The following TANC2 variants were observed in gnomAD, a reference collection of about 807,000 sequenced individuals.
TANC2 encodes the protein protein TANC2.
Under a neutral mutation model 210.5 loss-of-function variants are expected in TANC2, and 26 were observed. The observed-to-expected ratio is 0.12, with a 90% CI of 0.09 to 0.17. The LOEUF (loss-of-function observed/expected upper bound fraction) is 0.17, where lower values mean the gene tolerates loss of function less well. TANC2 is among the 10% of genes least tolerant of loss of function. The pLI, the probability that TANC2 is intolerant of heterozygous loss-of-function variation, is 1.00. For missense variants in TANC2, 2,129 were observed against 2,608.9 expected (o/e 0.82, Z 4.01); for synonymous variants, 931 against 967.1 (o/e 0.96, Z 0.69).
intron 1 of TANC2, among the ~76,000 whole-genome samples, chr17:63,002,131 A>G (rs968392360): frequency 7.2e-5 from 11 of 152,148 alleles, no homozygotes; most frequent in African/African-American, 1.2e-4. Flanking sequence ...TGGAGCATAA[A>G]TCATACCACA....
exon 13 of TANC2, chr17:63,351,412 T>C: frequency 1.9e-6 from 3 of 1,591,268 alleles, no homozygotes; most frequent in Non-Finnish European, 2.6e-6. Context: ...AGGACCAGTT[T>C]ACAGGTATGT....
At chr17:63,397,335 A>G (rs1349741494) in intron 18 of TANC2, among the ~76,000 whole-genome samples, 1 of 152,170 alleles carries the variant, frequency 6.6e-6, no homozygotes, top group Non-Finnish European at 1.5e-5. Flanking sequence ...ATAATGAACT[A>G]TATAATACTC....
chr17:63,392,854 T>C (rs1260091162), intron 17 of TANC2, among the ~76,000 whole-genome samples: 1 of 152,126 alleles, frequency 6.6e-6, no homozygotes, highest in African/African-American at 2.4e-5. Flanking sequence ...AAAATAATTC[T>C]CTTGTAGGCA....
At chr17:63,297,741 A>G (rs1421149067) in intron 9 of TANC2, among the ~76,000 whole-genome samples, 1 of 152,148 alleles carries the variant, frequency 6.6e-6, no homozygotes, top group African/African-American at 2.4e-5. Context: ...AATTTTGTGC[A>G]TCAAAGGACA....
intron 2 of TANC2, among the ~76,000 whole-genome samples, chr17:63,012,964 C>G (rs1248432700): frequency 6.6e-6 from 1 of 152,016 alleles, no homozygotes; most frequent in Non-Finnish European, 1.5e-5. Context: ...CAAGAAGACT[C>G]TTTTAGAATT....
intron 19 of TANC2, among the ~76,000 whole-genome samples, chr17:63,400,810 A>AT (rs146655118): frequency 0.011 from 1,572 of 142,184 alleles, 13 homozygotes; most frequent in Non-Finnish European, 0.015. Flanking sequence ...CACCTGACTA[A>AT]TTTTTTTTTT....
chr17:63,001,542 T>C (rs1305624248), intron 1 of TANC2, among the ~76,000 whole-genome samples: 2 of 150,122 alleles, frequency 1.3e-5, no homozygotes, highest in Non-Finnish European at 3.0e-5. Flanking sequence ...TTTTTTTTTT[T>C]CTTTTTCTTT....
chr17:63,339,977 A>G, intron 11 of TANC2, 124 bp from the exon 12 acceptor site: 1 of 710,996 alleles, frequency 1.4e-6, no homozygotes, highest in Non-Finnish European at 2.3e-6. Flanking sequence ...ATGAAGAGAC[A>G]AAAAAGTATT....
At chr17:63,332,071 C>T in intron 11 of TANC2, 1 of 330,478 alleles carries the variant, frequency 3.0e-6, no homozygotes. Flanking sequence ...GTAGAGTCTT[C>T]CTGAATAATT....
At chr17:62,971,392 T>C (rs1413086714) in intron 1 of TANC2, among the ~76,000 whole-genome samples, 2 of 152,228 alleles carry the variant, frequency 1.3e-5, no homozygotes, top group Non-Finnish European at 2.9e-5. Flanking sequence ...TGCAGTGGTG[T>C]GATCTTAGCT....
At chr17:63,134,750 C>T (rs2039032844) in intron 4 of TANC2, among the ~76,000 whole-genome samples, 1 of 152,194 alleles carries the variant, frequency 6.6e-6, no homozygotes, top group Non-Finnish European at 1.5e-5. Flanking sequence ...CTGTGTAGCA[C>T]AAGTCTTGCT....
chr17:63,166,600 T>C (rs1233032828), intron 5 of TANC2, among the ~76,000 whole-genome samples: 1 of 152,204 alleles, frequency 6.6e-6, no homozygotes, highest in Non-Finnish European at 1.5e-5. Context: ...TTAAACTCAC[T>C]GCCTTAGGTT....
chr17:63,140,440 T>C (rs949180569), intron 4 of TANC2, among the ~76,000 whole-genome samples: 2 of 152,350 alleles, frequency 1.3e-5, no homozygotes, highest in Admixed American at 6.5e-5. Context: ...TTCAATCTTG[T>C]AGTTTCACTA....
intron 8 of TANC2, among the ~76,000 whole-genome samples, chr17:63,262,170 C>G (rs1335075382): frequency 6.6e-6 from 1 of 152,072 alleles, no homozygotes; most frequent in Non-Finnish European, 1.5e-5. Context: ...ATTTCTGTAG[C>G]TAGTTATGAA....
At chr17:63,103,109 G>GATC (rs1567724588) in intron 4 of TANC2, among the ~76,000 whole-genome samples, 1 of 152,058 alleles carries the variant, frequency 6.6e-6, no homozygotes, top group African/African-American at 2.4e-5. Context: ...AGCCACATAG[G>GATC]TTTTCCTGAT....
chr17:63,018,307 G>A (rs561147788), intron 2 of TANC2, among the ~76,000 whole-genome samples: 6 of 151,702 alleles, frequency 4.0e-5, no homozygotes, highest in Non-Finnish European at 8.8e-5. Flanking sequence ...CCTGGCCAAC[G>A]TGGAGAAACC....
At chr17:62,980,869 A>C (rs1336601730) in intron 1 of TANC2, among the ~76,000 whole-genome samples, 1 of 151,994 alleles carries the variant, frequency 6.6e-6, no homozygotes, top group African/African-American at 2.4e-5. Context: ...GTACCCTCAT[A>C]TCCTCATTTC....
chr17:63,082,326 G>A (rs2036807172), intron 3 of TANC2, among the ~76,000 whole-genome samples: 1 of 152,122 alleles, frequency 6.6e-6, no homozygotes, highest in Admixed American at 6.5e-5. Flanking sequence ...TTATTAGGAA[G>A]GTATCTATTG....
intron 1 of TANC2, among the ~76,000 whole-genome samples, chr17:62,999,555 T>C (rs1399393672): frequency 2.9e-5 from 3 of 103,850 alleles, no homozygotes; most frequent in Admixed American, 1.7e-4. Context: ...TAAAACAAAT[T>C]ACTTAGAGAC....
Sources: allele counts gnomAD v4.1 joint callset (sites outside exome capture counted in the v4.1 genomes callset), GRCh38; gene constraint gnomAD v4.1.1; transcripts MANE v1.5; gene names NCBI Gene and HGNC (gene_info 2026-07-23, HGNC 2026-07-21).